Variants in CNTN1 observed in about 807,000 individuals in gnomAD.
CNTN1 encodes contactin-1.
A neutral mutation model predicts 126.4 loss-of-function variants in CNTN1; 38 were observed. The observed-to-expected ratio is 0.30, with a 90% CI of 0.23 to 0.39. The LOEUF (loss-of-function observed/expected upper bound fraction) is 0.39. Ranked by LOEUF, CNTN1 falls within the 10% of genes least tolerant of loss-of-function variation. The probability of loss-of-function intolerance (pLI) is 1.00; values close to 1 mark genes in which losing one functional copy is unlikely to be tolerated. For synonymous variants in CNTN1, 413 were observed against 422.6 expected, an observed-to-expected ratio of 0.98 and a Z score of 0.28; for missense variants, 1,009 against 1,248.4, an observed-to-expected ratio of 0.81 and a Z score of 2.89.
chr12:40,992,501 C>G, intron 16 of CNTN1, among the ~76,000 whole-genome samples: 1 of 151,498 alleles, frequency 6.6e-6, no homozygotes, highest in East Asian at 1.9e-4. Context: ...AATAAGCAAG[C>G]TAAGATCACA....
rs149273283 is a variant in CNTN1 at position 40,878,217 on chromosome 12, G to A, written c.-76-30140G>A. Among the ~76,000 whole-genome samples, 472 of 150,402 alleles carry A rather than the reference G, an allele frequency of 3.1e-3. 3 individuals are homozygous for A. The highest frequency in any genetic ancestry group is 0.011 in the African/African-American group (438 of 41,060). The stretch of plus-strand genomic sequence containing the variant: ...TCTCCATGTTTGTCAGGCTGGTCTC[G>A]AACTCCTGACCTCAGGTGATCGCCG... On this transcript the variant is annotated intron_variant, in intron 1 of 23. Transcript: ENST00000551295.
At chr12:40,738,245 C>T (rs1283396914) in intron 1 of CNTN1, among the ~76,000 whole-genome samples, 3 of 151,950 alleles carry the variant, frequency 2.0e-5, no homozygotes, top group Non-Finnish European at 4.4e-5. Context: ...ATATTGATGT[C>T]ATTATATGGA....
At chr12:40,755,559 A>AT (rs970533045) in intron 1 of CNTN1, among the ~76,000 whole-genome samples, 48 of 152,066 alleles carry the variant, frequency 3.2e-4, no homozygotes, top group African/African-American at 1.1e-3. Context: ...AAAATATTTA[A>AT]TTAAAAAAAA....
intron 9 of CNTN1, among the ~76,000 whole-genome samples, chr12:40,934,760 T>C (rs1046898049): frequency 2.6e-5 from 4 of 152,036 alleles, no homozygotes; most frequent in African/African-American, 9.7e-5. Flanking sequence ...TCTCTCTTAA[T>C]TGCACTCCAA....
intron 1 of CNTN1, among the ~76,000 whole-genome samples, chr12:40,791,473 GAATTTTTCT>G (rs1362383133): frequency 6.6e-6 from 1 of 152,118 alleles, no homozygotes; most frequent in African/African-American, 2.4e-5. Flanking sequence ...TGTGGGCACT[GAATTTTTCT>G]TTTGATGAAG....
At chr12:41,005,070 G>C (rs1159674357) in intron 17 of CNTN1, 1 of 152,166 alleles carries the variant, frequency 6.6e-6, no homozygotes, top group Non-Finnish European at 1.5e-5. Flanking sequence ...TCTGGTGCTG[G>C]TCTTTCCTTT....
chr12:40,813,980 G>A (rs118007771), intron 1 of CNTN1, among the ~76,000 whole-genome samples: 45 of 151,870 alleles, frequency 3.0e-4, no homozygotes, highest in African/African-American at 9.7e-4. Context: ...TTTGTTGGCC[G>A]TGTAAATGTC....
At chr12:40,776,236 T>C (rs1361123041) in intron 1 of CNTN1, among the ~76,000 whole-genome samples, 1 of 151,698 alleles carries the variant, frequency 6.6e-6, no homozygotes, top group African/African-American at 2.4e-5. Flanking sequence ...TCTACAACAC[T>C]GTAAGACAGA....
intron 1 of CNTN1, among the ~76,000 whole-genome samples, chr12:40,886,150 A>G (rs1419845272): frequency 5.9e-5 from 9 of 152,040 alleles, no homozygotes; most frequent in Non-Finnish European, 1.3e-4. Context: ...ATAGTTCTGC[A>G]TCCTCTTTTT....
At chr12:40,838,304 G>C (rs1009874897) in intron 1 of CNTN1, among the ~76,000 whole-genome samples, 1 of 151,064 alleles carries the variant, frequency 6.6e-6, no homozygotes, top group Non-Finnish European at 1.5e-5. Flanking sequence ...CTAGCCCATT[G>C]CTGCTACCAC....
intron 17 of CNTN1, among the ~76,000 whole-genome samples, chr12:41,002,741 T>C (rs1001656978): frequency 6.6e-6 from 1 of 151,812 alleles, no homozygotes. Context: ...GTATTTTTAG[T>C]AGAGATGGGG....
At chr12:41,001,369 T>C (rs1393671546) in intron 17 of CNTN1, among the ~76,000 whole-genome samples, 1 of 152,232 alleles carries the variant, frequency 6.6e-6, no homozygotes, top group South Asian at 2.1e-4. Flanking sequence ...GTGGAGCTTT[T>C]TTCATATGAT....
intron 23 of CNTN1, among the ~76,000 whole-genome samples, chr12:41,064,122 C>A (rs1425971490): frequency 6.7e-6 from 1 of 150,300 alleles, no homozygotes; most frequent in African/African-American, 2.5e-5. Context: ...TTCAGTTAGC[C>A]GAGATCGCGC....
At chr12:40,927,836 C>T (rs75709397) in intron 6 of CNTN1, among the ~76,000 whole-genome samples, 2,949 of 152,108 alleles carry the variant, frequency 0.019, 96 homozygotes, top group African/African-American at 0.066. Context: ...TACAACATCA[C>T]GACAATAACT....
intron 1 of CNTN1, among the ~76,000 whole-genome samples, chr12:40,769,371 T>C (rs1939246705): frequency 1.3e-5 from 2 of 152,196 alleles, no homozygotes; most frequent in African/African-American, 2.4e-5. Context: ...TGTTATTAAA[T>C]ATCATAGCCA....
intron 23 of CNTN1, among the ~76,000 whole-genome samples, chr12:41,035,839 AAG>A (rs1300925299): frequency 6.6e-6 from 1 of 152,152 alleles, no homozygotes; most frequent in Non-Finnish European, 1.5e-5. Context: ...TTGGAGAGGT[AAG>A]AGGGGTAAAG....
intron 14 of CNTN1, among the ~76,000 whole-genome samples, chr12:40,957,592 A>AAATAAAT (rs1946937224): frequency 2.1e-5 from 3 of 140,664 alleles, no homozygotes; most frequent in African/African-American, 7.9e-5. Context: ...TGGTATGACA[A>AAATAAAT]AAATAAATAA....
intron 17 of CNTN1, among the ~76,000 whole-genome samples, chr12:40,999,719 T>TC (rs1491051680): frequency 7.4e-6 from 1 of 135,094 alleles, no homozygotes; most frequent in African/African-American, 3.1e-5. Context: ...TTTTTTTTTT[T>TC]TGAGACAGCA....
intron 23 of CNTN1, 110 bp downstream of exon 23, chr12:41,029,329 A>G: frequency 8.1e-7 from 1 of 1,234,844 alleles, no homozygotes; most frequent in Non-Finnish European, 1.2e-6. Flanking sequence ...ATATTTTCCT[A>G]AGTAGATTGG....
Sources: allele counts gnomAD v4.1 joint callset (sites outside exome capture counted in the v4.1 genomes callset), GRCh38; gene constraint gnomAD v4.1.1; transcripts MANE v1.5; gene names NCBI Gene and HGNC (gene_info 2026-07-23, HGNC 2026-07-21).